Variants in INPP4B observed in about 807,000 individuals in gnomAD.
INPP4B encodes the protein inositol polyphosphate-4-phosphatase type II B, also known as inositol polyphosphate 4-phosphatase type II.
A neutral mutation model predicts 122.5 loss-of-function variants in INPP4B; 55 were observed. That is an observed-to-expected ratio of 0.45 (90% confidence interval 0.36 to 0.56). INPP4B has a LOEUF of 0.56. Ranked by LOEUF, INPP4B falls within the 20% of genes least tolerant of loss-of-function variation. The pLI is 0.00. For missense variants in INPP4B, 1,000 were observed against 1,097.7 expected (o/e 0.91, Z 1.26); for synonymous variants, 403 against 388.7 (o/e 1.04, Z -0.43).
At chr4:142,669,201 T>C (rs1459459756) in intron 2 of INPP4B, among the ~76,000 whole-genome samples, 1 of 152,180 alleles carries the variant, frequency 6.6e-6, no homozygotes, top group African/African-American at 2.4e-5. Flanking sequence ...TCCTGTGTTC[T>C]TTGATTGGAA....
intron 25 of INPP4B, among the ~76,000 whole-genome samples, chr4:142,042,136 G>A (rs1412784276): frequency 6.6e-6 from 1 of 152,184 alleles, no homozygotes; most frequent in Non-Finnish European, 1.5e-5. Context: ...CCTACTGTCA[G>A]AAGCTGTTTT....
At chr4:142,420,829 CAGCA>C (rs1806717863) in intron 5 of INPP4B, among the ~76,000 whole-genome samples, 1 of 152,108 alleles carries the variant, frequency 6.6e-6, no homozygotes, top group Non-Finnish European at 1.5e-5. Context: ...AGAAGGTGTT[CAGCA>C]AGTGATGGCA....
intron 2 of INPP4B, among the ~76,000 whole-genome samples, chr4:142,639,540 T>C (rs922365901): frequency 6.6e-6 from 1 of 152,202 alleles, no homozygotes; most frequent in African/African-American, 2.4e-5. Context: ...TTAAAATACC[T>C]ATATCCAAAT....
chr4:142,792,675 G>A (rs1173975209), intron 1 of INPP4B, among the ~76,000 whole-genome samples: 2 of 152,004 alleles, frequency 1.3e-5, no homozygotes, highest in Non-Finnish European at 2.9e-5. Context: ...AAAATGTCCT[G>A]AGAGTCTTCT....
intron 1 of INPP4B, among the ~76,000 whole-genome samples, chr4:142,839,256 G>A (rs113319255): frequency 0.071 from 10,804 of 152,062 alleles, 1,294 homozygotes; most frequent in African/African-American, 0.25. Flanking sequence ...TCAGGAGTTC[G>A]AGACCAGCCT....
chr4:142,598,873 C>A (rs1739273580), intron 2 of INPP4B, among the ~76,000 whole-genome samples: 1 of 152,186 alleles, frequency 6.6e-6, no homozygotes, highest in Non-Finnish European at 1.5e-5. Context: ...CTGCTAGAGG[C>A]TGAGGTAGGT....
At chr4:142,375,905 CTAAT>C (rs1370608715) in intron 7 of INPP4B, among the ~76,000 whole-genome samples, 2 of 151,904 alleles carry the variant, frequency 1.3e-5, no homozygotes, top group African/African-American at 4.8e-5. Flanking sequence ...AAAATAAAGC[CTAAT>C]TATTTAAGCT....
intron 14 of INPP4B, among the ~76,000 whole-genome samples, chr4:142,207,984 C>A (rs1843258576): frequency 6.6e-6 from 1 of 151,732 alleles, no homozygotes; most frequent in South Asian, 2.1e-4. Context: ...CTCACTTTTT[C>A]CCATAAAAAA....
chr4:142,078,342 C>CTT (rs1244595166), intron 25 of INPP4B, among the ~76,000 whole-genome samples: 2 of 152,090 alleles, frequency 1.3e-5, no homozygotes, highest in Admixed American at 1.3e-4. Flanking sequence ...GCAGCTTGTG[C>CTT]TTATCAATAT....
intron 7 of INPP4B, among the ~76,000 whole-genome samples, chr4:142,360,206 C>T (rs1414954394): frequency 6.6e-6 from 1 of 151,910 alleles, no homozygotes; most frequent in Non-Finnish European, 1.5e-5. Context: ...ATATAATACA[C>T]ACACAACCAG....
chr4:142,636,115 C>T (rs1749103545), intron 2 of INPP4B, among the ~76,000 whole-genome samples: 2 of 152,002 alleles, frequency 1.3e-5, no homozygotes, highest in South Asian at 4.2e-4. Context: ...TTATAAGGGG[C>T]TTCTCCTTTC....
intron 2 of INPP4B, among the ~76,000 whole-genome samples, chr4:142,690,907 T>G (rs984451036): frequency 2.6e-5 from 4 of 152,102 alleles, no homozygotes; most frequent in African/African-American, 9.7e-5. Flanking sequence ...CAAAGCTATT[T>G]TTAGAAATGC....
At position 142,846,036 on chromosome 4, in the gene INPP4B, G is replaced by A. The variant is rs1784162426; in HGVS notation, c.-254+173C>T. Among the ~76,000 whole-genome samples the A allele has an allele frequency of 6.6e-6, 1 of 152,044 alleles. No individual in the cohort carries two copies. The highest frequency in any genetic ancestry group is 2.4e-5 in the African/African-American group (1 of 41,414). On this transcript the variant is annotated intron_variant, in intron 1 of 25. Transcript: ENST00000262992. This position sits in a 1 kb window ranked among gnomAD's most constrained non-coding sequence, Gnocchi z 5.1. ...CCCTTTAAGCTAAAGAGCTGGAGGG[G>A]TGATGGAGGCTGCAAGACGGAGAAA...
intron 23 of INPP4B, among the ~76,000 whole-genome samples, chr4:142,086,862 T>G: frequency 6.6e-6 from 1 of 152,234 alleles, no homozygotes; most frequent in East Asian, 1.9e-4. Flanking sequence ...CTGTCTCACT[T>G]TAACAAAAGC....
chr4:142,277,219 G>A (rs959039086), intron 9 of INPP4B, among the ~76,000 whole-genome samples: 14 of 149,918 alleles, frequency 9.3e-5, no homozygotes, highest in African/African-American at 3.2e-4. Flanking sequence ...AGTTTCTTCT[G>A]GATTTTGGAT....
intron 2 of INPP4B, among the ~76,000 whole-genome samples, chr4:142,720,801 C>CTATATATATATATATA (rs1323800095): frequency 4.5e-5 from 1 of 22,372 alleles, no homozygotes; most frequent in Non-Finnish European, 8.2e-5. Flanking sequence ...CTCTCTCTCT[C>CTATATATATATATATA]TCTCTCTCTA....
At chr4:142,260,268 G>C (rs1739211481) in intron 11 of INPP4B, among the ~76,000 whole-genome samples, 1 of 152,104 alleles carries the variant, frequency 6.6e-6, no homozygotes, top group Admixed American at 6.5e-5. Flanking sequence ...ACGGACGTGA[G>C]CCACCGCGCC....
At chr4:142,352,654 A>G (rs1022588433) in intron 7 of INPP4B, among the ~76,000 whole-genome samples, 11 of 151,940 alleles carry the variant, frequency 7.2e-5, no homozygotes, top group African/African-American at 2.7e-4. Context: ...AGAACAAAGT[A>G]AGAAATGAGA....
chr4:142,637,791 G>A (rs767405367), intron 2 of INPP4B, among the ~76,000 whole-genome samples: 3 of 152,150 alleles, frequency 2.0e-5, no homozygotes, highest in Non-Finnish European at 4.4e-5. Context: ...TTCCAAAGTG[G>A]CTGCATAACT....
Sources: allele counts gnomAD v4.1 joint callset (sites outside exome capture counted in the v4.1 genomes callset), GRCh38; gene constraint gnomAD v4.1.1; non-coding constraint Gnocchi (gnomAD v3.1); transcripts MANE v1.5; gene names NCBI Gene and HGNC (gene_info 2026-07-23, HGNC 2026-07-21).